Variants in WDR49 observed in about 807,000 individuals in gnomAD.
WDR49 encodes WD repeat domain 49.
In WDR49, 107 loss-of-function variants were observed where a neutral mutation model predicts 119.5. The ratio of observed to expected loss-of-function variants is 0.90; its 90% CI spans 0.77 to 1.05. The LOEUF is 1.05. Among genes scored for constraint, WDR49 ranks in the 50% least tolerant of loss-of-function variants. The pLI is 0.00. For missense variants in WDR49, 1,240 were observed against 1,220.5 expected (o/e 1.02, Z -0.24); for synonymous variants, 425 against 418.8 (o/e 1.01, Z -0.18).
intron 7 of WDR49, among the ~76,000 whole-genome samples, chr3:167,579,168 C>A (rs960398440): frequency 6.6e-6 from 1 of 152,050 alleles, no homozygotes; most frequent in South Asian, 2.1e-4. Flanking sequence ...GTCAGTTCCT[C>A]ACCATGCCTT....
chr3:167,532,812 T>C, intron 12 of WDR49, 67 bp downstream of exon 12: 2 of 1,117,192 alleles, frequency 1.8e-6, no homozygotes, highest in Non-Finnish European at 2.6e-6. Flanking sequence ...ATCAGGCACA[T>C]GCATGAACAA....
chr3:167,640,681 C>G (rs1717840467), intron 2 of WDR49, among the ~76,000 whole-genome samples: 1 of 151,714 alleles, frequency 6.6e-6, no homozygotes, highest in Non-Finnish European at 1.5e-5. Flanking sequence ...TGCAAGACCC[C>G]AATCAAGAAA....
intron 6 of WDR49, among the ~76,000 whole-genome samples, chr3:167,602,634 C>T (rs1409358057): frequency 6.6e-6 from 1 of 152,042 alleles, no homozygotes; most frequent in Non-Finnish European, 1.5e-5. Flanking sequence ...GCTTAGCCTA[C>T]AAATGTAGGC....
chr3:167,535,949 G>T (rs1753005337), intron 11 of WDR49, among the ~76,000 whole-genome samples: 1 of 152,082 alleles, frequency 6.6e-6, no homozygotes, highest in African/African-American at 2.4e-5. Flanking sequence ...AATGAACCTG[G>T]TGGACATTAT....
At position 167,573,387 on chromosome 3, in the gene WDR49, G is replaced by A. The variant is rs568757359; in HGVS notation, c.1509+2531C>T. On this transcript the variant is annotated intron_variant, in intron 8 of 18. Coordinates refer to ENST00000682715, the MANE Select transcript of WDR49 (RefSeq NM_001366157.1). The stretch of plus-strand genomic sequence containing the variant: ...TTGAAGAATCCAAATAGCTTTATGT[G>A]GAATACACACACACACACACACACA... Among the ~76,000 whole-genome samples, 99 of 118,600 alleles carry A rather than the reference G, an allele frequency of 8.3e-4. 1 individual carries two copies. The South Asian group carries it at 0.024, about 29-fold the overall frequency. The allele number at this position is 118,600 out of a possible 152,430, so 77.8% of individuals were successfully genotyped here. A position where few individuals can be genotyped will look rare whatever the true frequency, so the allele number is the denominator to read the frequency against.
chr3:167,531,302 T>C, intron 12 of WDR49, 23 bp from the exon 13 acceptor site: 1 of 1,608,542 alleles, frequency 6.2e-7, no homozygotes, highest in African/African-American at 1.3e-5. Context: ...CAAAGCCAAG[T>C]ATATTAATGA....
chr3:167,495,040 T>C (rs1315840220), intron 18 of WDR49, among the ~76,000 whole-genome samples: 1 of 152,144 alleles, frequency 6.6e-6, no homozygotes, highest in Admixed American at 6.6e-5. Flanking sequence ...GAACCATTGC[T>C]GACAGAAAAG....
At chr3:167,535,821 T>A (rs963602295) in intron 11 of WDR49, among the ~76,000 whole-genome samples, 2 of 152,112 alleles carry the variant, frequency 1.3e-5, no homozygotes, top group South Asian at 4.2e-4. Context: ...AGCCAAGATA[T>A]AAAATCAACT....
intron 7 of WDR49, among the ~76,000 whole-genome samples, chr3:167,594,024 A>G (rs1322985523): frequency 2.6e-5 from 4 of 152,152 alleles, no homozygotes; most frequent in African/African-American, 9.7e-5. Flanking sequence ...GCCATGAGCA[A>G]CTATGAGCCA....
chr3:167,569,390 TA>T (rs1187162707), intron 8 of WDR49, among the ~76,000 whole-genome samples: 1 of 152,268 alleles, frequency 6.6e-6, no homozygotes, highest in Non-Finnish European at 1.5e-5. Context: ...TTGTACTAAC[TA>T]ATAAAATAGG....
At chr3:167,639,015 A>T (rs1717752371) in intron 2 of WDR49, among the ~76,000 whole-genome samples, 1 of 151,722 alleles carries the variant, frequency 6.6e-6, no homozygotes, top group Non-Finnish European at 1.5e-5. Flanking sequence ...AATTGTTCTT[A>T]TTAATTTTCT....
chr3:167,603,187 T>C (rs895282473), intron 6 of WDR49, among the ~76,000 whole-genome samples: 1 of 152,180 alleles, frequency 6.6e-6, no homozygotes, highest in African/African-American at 2.4e-5. Flanking sequence ...ATGTTGTATC[T>C]ATTCAAAACA....
chr3:167,561,796 G>T (rs1331961844), intron 8 of WDR49, among the ~76,000 whole-genome samples: 2 of 152,128 alleles, frequency 1.3e-5, no homozygotes, highest in African/African-American at 4.8e-5. Context: ...ACAAAATTGA[G>T]TTTGTAATCA....
chr3:167,554,233 G>A (rs1231126282), intron 10 of WDR49, among the ~76,000 whole-genome samples: 1 of 152,118 alleles, frequency 6.6e-6, no homozygotes, highest in Non-Finnish European at 1.5e-5. Context: ...TGATAGAAAG[G>A]AGGAGCTATC....
intron 8 of WDR49, among the ~76,000 whole-genome samples, chr3:167,571,434 A>G (rs1433189541): frequency 1.3e-5 from 2 of 152,210 alleles, no homozygotes; most frequent in Non-Finnish European, 2.9e-5. Context: ...CATATCCTTT[A>G]GCCTAGAAAC....
chr3:167,584,248 G>GA (rs915263170), intron 7 of WDR49, among the ~76,000 whole-genome samples: 14 of 151,970 alleles, frequency 9.2e-5, no homozygotes, highest in African/African-American at 3.1e-4. Context: ...AAAATATGGA[G>GA]AAAAAAAATC....
At chr3:167,639,407 T>C (rs1354458467) in intron 2 of WDR49, among the ~76,000 whole-genome samples, 1 of 151,718 alleles carries the variant, frequency 6.6e-6, no homozygotes, top group Admixed American at 6.6e-5. Context: ...TAGTTCACTA[T>C]TAGCAGAAAT....
At chr3:167,545,461 A>C (rs1712116711) in intron 10 of WDR49, among the ~76,000 whole-genome samples, 1 of 145,098 alleles carries the variant, frequency 6.9e-6, no homozygotes, top group South Asian at 2.2e-4. Flanking sequence ...CCCGTCAATC[A>C]ATAAGTGGAT....
At chr3:167,566,896 T>C in intron 8 of WDR49, 1 of 674,344 alleles carries the variant, frequency 1.5e-6, no homozygotes, top group Non-Finnish European at 2.7e-6. Flanking sequence ...TTGAGAAGGC[T>C]GAGGAGGAGG....
Sources: gnomAD v4.1 joint callset for allele counts (sites outside exome capture counted in the v4.1 genomes callset) on GRCh38, gnomAD v4.1.1 for gene constraint, MANE v1.5 for transcripts, NCBI Gene and HGNC (gene_info 2026-07-23, HGNC 2026-07-21) for gene names.